Variants in NRG3 observed in about 807,000 individuals in gnomAD.
NRG3 encodes the protein neuregulin 3.
A neutral mutation model predicts 66.9 loss-of-function variants in NRG3; 31 were observed. That is an observed-to-expected ratio of 0.46 (90% CI 0.35 to 0.63). The LOEUF (loss-of-function observed/expected upper bound fraction) is 0.63, where lower values mean the gene tolerates loss of function less well. NRG3 is among the 20% of genes least tolerant of loss of function. The pLI is 0.00. For missense variants in NRG3, 910 were observed against 878.9 expected (o/e 1.04, Z -0.45); for synonymous variants, 393 against 359.4 (o/e 1.09, Z -1.06).
chr10:82,726,570 G>C (rs1333419302), intron 2 of NRG3, among the ~76,000 whole-genome samples: 5 of 152,118 alleles, frequency 3.3e-5, no homozygotes, highest in Admixed American at 3.3e-4. Context: ...CTTCTGCCAT[G>C]ATTGGGAGCC....
At chr10:82,373,468 G>A (rs1238479275) in intron 2 of NRG3, among the ~76,000 whole-genome samples, 2 of 152,172 alleles carry the variant, frequency 1.3e-5, no homozygotes, top group Admixed American at 6.5e-5. Flanking sequence ...TCTGACAGCA[G>A]GTGGATCCCA....
intron 2 of NRG3, among the ~76,000 whole-genome samples, chr10:82,483,149 C>T (rs1236179741): frequency 6.6e-6 from 1 of 152,152 alleles, no homozygotes; most frequent in Non-Finnish European, 1.5e-5. Flanking sequence ...ATATGCACTC[C>T]CTACTTGTCC....
At chr10:82,359,910 G>T (rs2084018671) in intron 2 of NRG3, among the ~76,000 whole-genome samples, 1 of 152,176 alleles carries the variant, frequency 6.6e-6, no homozygotes, top group African/African-American at 2.4e-5. Flanking sequence ...AGCAGAAGCT[G>T]CCTGGATCCA....
At chr10:82,904,749 A>G (rs1039098131) in intron 4 of NRG3, among the ~76,000 whole-genome samples, 1 of 152,166 alleles carries the variant, frequency 6.6e-6, no homozygotes, top group Non-Finnish European at 1.5e-5. Context: ...GAAATCAAAA[A>G]AAGTAGATGG....
chr10:81,882,841 G>A (rs775976612), intron 1 of NRG3, among the ~76,000 whole-genome samples: 3 of 152,070 alleles, frequency 2.0e-5, no homozygotes, highest in South Asian at 2.1e-4. Flanking sequence ...ATAAAATATA[G>A]TGTGGAGTCC....
intron 1 of NRG3, among the ~76,000 whole-genome samples, chr10:82,268,780 A>G (rs1227092647): frequency 6.6e-6 from 1 of 151,894 alleles, no homozygotes; most frequent in Non-Finnish European, 1.5e-5. Context: ...TCTCTGGGGG[A>G]TGGGGTAATG....
chr10:82,468,853 G>A lies in NRG3; in HGVS notation c.953+109985G>A, dbSNP rs575319555. On this transcript the variant is annotated intron_variant, in intron 2 of 8. Transcript: ENST00000372141. ...GTGATATTGAGAGGAGAGAGAGAGA[G>A]AAAGAAAGGGAAGGAGGGAGGAAGG... Among the ~76,000 whole-genome samples the A allele has an allele frequency of 5.3e-5, 8 of 151,926 alleles. No homozygotes were observed. The East Asian group carries it at 9.7e-4, about 18-fold the overall frequency.
intron 1 of NRG3, among the ~76,000 whole-genome samples, chr10:82,240,722 G>A (rs1320449062): frequency 6.6e-6 from 1 of 152,124 alleles, no homozygotes; most frequent in African/African-American, 2.4e-5. Context: ...CAGTCAAATG[G>A]AATGGCATTA....
chr10:82,849,016 A>G (rs1564563944), intron 3 of NRG3, among the ~76,000 whole-genome samples: 1 of 152,198 alleles, frequency 6.6e-6, no homozygotes, highest in Non-Finnish European at 1.5e-5. Context: ...AGAATGGGCT[A>G]ATACAAGTCC....
chr10:82,552,982 C>T (rs561072580), intron 2 of NRG3, among the ~76,000 whole-genome samples: 5 of 151,804 alleles, frequency 3.3e-5, no homozygotes, highest in Admixed American at 6.6e-5. Context: ...GGCCCAGTCC[C>T]GGTGGCAAAT....
At chr10:82,375,536 C>CAA (rs57526579) in intron 2 of NRG3, among the ~76,000 whole-genome samples, 29,787 of 126,968 alleles carry the variant, frequency 0.23, 3,530 homozygotes, top group African/African-American at 0.34. Context: ...GACTCCATCT[C>CAA]AAAAAAAAAA....
chr10:81,875,547 G>T lies in NRG3; in HGVS notation c.207G>T (p.Val69=). The change falls in exon 1 of 9, where the codon GTG becomes GTT. Residue 69 remains valine (V), a synonymous_variant. Coordinates refer to ENST00000372141, the MANE Select transcript of NRG3 (RefSeq NM_001010848.4). The surrounding 1 kb of genome is among the most constrained non-coding windows in gnomAD (Gnocchi z 5.3). ...VWNRQQTWLC[V]VPLFIGFIGL... is the part of the protein sequence containing the mutation. ...ACCGGCAGCAGACGTGGCTGTGCGT[G>T]GTACCTCTGTTCATCGGCTTCATCG... The T allele has an allele frequency of 1.5e-5, 24 of 1,612,936 alleles. No homozygotes were observed. The highest frequency in any genetic ancestry group is 2.0e-5 in the Non-Finnish European group (24 of 1,179,850).
At chr10:82,532,267 T>G (rs1847340675) in intron 2 of NRG3, among the ~76,000 whole-genome samples, 1 of 151,696 alleles carries the variant, frequency 6.6e-6, no homozygotes, top group Admixed American at 6.6e-5. Context: ...TGTAACCATT[T>G]TAGACACCTC....
intron 1 of NRG3, among the ~76,000 whole-genome samples, chr10:82,008,107 G>A (rs1408347395): frequency 6.6e-6 from 1 of 152,146 alleles, no homozygotes; most frequent in African/African-American, 2.4e-5. Flanking sequence ...CATTTCTCAT[G>A]AGGCTTCTGG....
At chr10:82,920,479 T>C (rs1846319762) in intron 4 of NRG3, among the ~76,000 whole-genome samples, 2 of 152,134 alleles carry the variant, frequency 1.3e-5, no homozygotes, top group African/African-American at 4.8e-5. Context: ...TAGATATGCA[T>C]ATATACATGG....
intron 2 of NRG3, among the ~76,000 whole-genome samples, chr10:82,504,397 A>T (rs369640797): frequency 3.9e-5 from 6 of 152,234 alleles, no homozygotes; most frequent in African/African-American, 1.4e-4. Flanking sequence ...ATTATGGATG[A>T]GTTTCCCATG....
intron 2 of NRG3, among the ~76,000 whole-genome samples, chr10:82,372,407 T>A (rs2084945950): frequency 6.6e-6 from 1 of 152,242 alleles, no homozygotes; most frequent in Non-Finnish European, 1.5e-5. Flanking sequence ...GCTCTGAATT[T>A]ATCTGAATGG....
chr10:82,177,512 A>T (rs920575394), intron 1 of NRG3, among the ~76,000 whole-genome samples: 1 of 152,204 alleles, frequency 6.6e-6, no homozygotes, highest in Non-Finnish European at 1.5e-5. Flanking sequence ...TGTGCGTATT[A>T]CTTAGAGCAT....
intron 4 of NRG3, among the ~76,000 whole-genome samples, chr10:82,879,650 A>AT (rs1842136309): frequency 1.3e-5 from 2 of 151,254 alleles, no homozygotes; most frequent in Admixed American, 1.3e-4. Context: ...TTTTTTTCGT[A>AT]TTTTTTAGTA....
Sources: gnomAD v4.1 joint callset for allele counts (sites outside exome capture counted in the v4.1 genomes callset) on GRCh38, gnomAD v4.1.1 for gene constraint, Gnocchi (gnomAD v3.1) non-coding constraint, MANE v1.5 for transcripts, NCBI Gene and HGNC (gene_info 2026-07-23, HGNC 2026-07-21) for gene names.